AR: variants seen among roughly 807,000 people sequenced by gnomAD.
The protein encoded by AR is dihydrotestosterone receptor.
Under a neutral mutation model 53.9 loss-of-function variants are expected in AR, and 8 were observed. The observed-to-expected ratio is 0.15, with a 90% CI of 0.09 to 0.27. The LOEUF (loss-of-function observed/expected upper bound fraction) is 0.27. AR is among the 10% of genes least tolerant of loss of function. The probability of loss-of-function intolerance (pLI) is 1.00; values close to 1 mark genes in which losing one functional copy is unlikely to be tolerated. For synonymous variants in AR, 359 were observed against 316.4 expected, an observed-to-expected ratio of 1.13 and a Z score of -1.43; for missense variants, 639 against 742.5, an observed-to-expected ratio of 0.86 and a Z score of 1.62.
chrX:67,567,068 C>T (rs1277631850), intron 1 of AR, among the ~76,000 whole-genome samples: 2 of 110,839 alleles, frequency 1.8e-5, no homozygotes, highest in African/African-American at 6.6e-5. Context: ...TTTCACTATT[C>T]CACACCACTT....
chrX:67,660,894 C>T (rs1046077298), intron 2 of AR, among the ~76,000 whole-genome samples: 1 of 111,231 alleles, frequency 9.0e-6, no homozygotes, highest in Non-Finnish European at 1.9e-5. Context: ...TTTCATTGAG[C>T]AGTGGTTTGT....
intron 1 of AR, among the ~76,000 whole-genome samples, chrX:67,599,217 A>G (rs1923229292): frequency 8.9e-6 from 1 of 111,919 alleles, no homozygotes; most frequent in Non-Finnish European, 1.9e-5. Context: ...TAATATTGTT[A>G]TGTATCATGT....
At chrX:67,638,153 C>G (rs1040349416) in intron 1 of AR, among the ~76,000 whole-genome samples, 6 of 111,502 alleles carry the variant, frequency 5.4e-5, no homozygotes, top group African/African-American at 2.0e-4. Context: ...AGGACATGAA[C>G]TCTTCCTTTT....
chrX:67,624,088 C>T (rs1361867976), intron 1 of AR, among the ~76,000 whole-genome samples: 1 of 110,950 alleles, frequency 9.0e-6, no homozygotes, highest in Non-Finnish European at 1.9e-5. Context: ...AAACCATCAG[C>T]TCTCATGACA....
chrX:67,648,674 C>T (rs1485026070), intron 2 of AR, among the ~76,000 whole-genome samples: 1 of 112,205 alleles, frequency 8.9e-6, no homozygotes, highest in Non-Finnish European at 1.9e-5. Context: ...AAGAATTTGC[C>T]ATTGCTGCTT....
intron 3 of AR, chrX:67,689,812 T>G: frequency 1.5e-6 from 1 of 666,545 alleles, no homozygotes; most frequent in Admixed American, 6.7e-5. Flanking sequence ...GTGAATTAGC[T>G]GTGGCTTTCT....
chrX:67,672,790 C>A (rs766547753), intron 2 of AR, among the ~76,000 whole-genome samples: 4 of 111,384 alleles, frequency 3.6e-5, no homozygotes, highest in African/African-American at 1.3e-4. Context: ...AGTTCACACA[C>A]CACAATTACA....
At chrX:67,689,663 C>T (rs1421349918) in intron 3 of AR, 32 of 894,842 alleles carry the variant, frequency 3.6e-5, no homozygotes, top group Non-Finnish European at 4.4e-5. Flanking sequence ...CAGAGATCAG[C>T]CTTTCTTTGT....
chrX:67,618,013 C>T (rs1019425237), intron 1 of AR, among the ~76,000 whole-genome samples: 1 of 112,175 alleles, frequency 8.9e-6, no homozygotes, highest in Non-Finnish European at 1.9e-5. Context: ...GTTTATCTAA[C>T]GACAGTTCCA....
chrX:67,608,998 A>G (rs1923757698), intron 1 of AR, among the ~76,000 whole-genome samples: 1 of 110,669 alleles, frequency 9.0e-6, no homozygotes, highest in South Asian at 3.8e-4. Context: ...CATTAGTCAC[A>G]AGTTAAATAC....
rs1363056803 is a variant in AR, at chrX:67,550,372, A to G, written c.1616+3610A>G. 1.8e-5 allele frequency among the ~76,000 whole-genome samples: 2 copies of G among 111,374 alleles called. 1 individual carries two copies. The highest frequency in any genetic ancestry group is 6.5e-5 in the African/African-American group (2 of 30,602). On this transcript the variant is annotated intron_variant, in intron 1 of 7. Transcript: ENST00000374690. ...TTCTTTGTTAAGTGTTTTCATTCCCATAGTAATTTTTCATCTAGTGTACAT... is the reference window on the plus strand; with the variant it reads ...TTCTTTGTTAAGTGTTTTCATTCCCGTAGTAATTTTTCATCTAGTGTACAT...
At chrX:67,569,743 C>T (rs1357270581) in intron 1 of AR, among the ~76,000 whole-genome samples, 1 of 111,019 alleles carries the variant, frequency 9.0e-6, no homozygotes, top group Non-Finnish European at 1.9e-5. Context: ...TTATTTCTGT[C>T]GGTGTGTGGA....
intron 1 of AR, among the ~76,000 whole-genome samples, chrX:67,607,429 G>T (rs1317911940): frequency 1.8e-5 from 2 of 112,052 alleles, no homozygotes; most frequent in African/African-American, 6.5e-5. Context: ...CCATCTTGTT[G>T]CTCTTCTTCT....
rs1052160361 is a variant in AR at position 67,725,888 on chromosome X, A to C, written c.*2047A>C. 3 of 173,607 alleles carry C rather than the reference A, an allele frequency of 1.7e-5. No homozygotes were observed. Among genetic ancestry groups the C allele is most frequent in the African/African-American group, 8.9e-5 (3 of 33,653 alleles). The allele number at this position is 173,607 out of a possible 1,213,427, so 14.3% of individuals were successfully genotyped here. On this transcript the variant is annotated 3_prime_UTR_variant, in exon 8 of 8. Coordinates refer to ENST00000374690, the MANE Select transcript of AR (RefSeq NM_000044.6). ...CTTTTGGCACACCTGTGTTCTGTTGACTTCGTTCTTCAAGCCCAAGTGCAA... is the reference window on the plus strand; with the variant it reads ...CTTTTGGCACACCTGTGTTCTGTTGCCTTCGTTCTTCAAGCCCAAGTGCAA...
intron 3 of AR, among the ~76,000 whole-genome samples, chrX:67,704,075 T>C (rs2076054473): frequency 8.9e-6 from 1 of 112,177 alleles, no homozygotes; most frequent in South Asian, 3.7e-4. Flanking sequence ...TTCCAAGGCT[T>C]TGCTATTGTG....
In AR at chrX:67,545,597, G is replaced by A. The variant is rs1460789201; in HGVS notation, c.451G>A (p.Ala151Thr). Reference sequence around the variant, plus strand: ...CAAGGGGCTGCCGCAGCAGCTGCCAGCACCTCCGGACGAGGATGACTCAGC... The same window carrying A: ...CAAGGGGCTGCCGCAGCAGCTGCCAACACCTCCGGACGAGGATGACTCAGC... ...ASKGLPQQLP[A>T]PPDEDDSAAP... is the part of the protein sequence containing the mutation. The change falls in exon 1 of 8, where the codon GCA (alanine) becomes ACA (threonine). Residue 151 changes from alanine to threonine, a missense_variant. This residue lies in a region of AR where 423 missense variants were observed against 377.0 expected (regional missense o/e 1.12). Transcript: ENST00000374690. 8.4e-7 allele frequency: 1 copy of A among 1,187,185 alleles called. No individual in the cohort carries two copies. The highest frequency in any genetic ancestry group is 1.1e-6 in the Non-Finnish European group (1 of 883,027).
chrX:67,557,928 G>A (rs1476876263), intron 1 of AR, among the ~76,000 whole-genome samples: 1 of 112,263 alleles, frequency 8.9e-6, no homozygotes, highest in Admixed American at 9.4e-5. Context: ...TAAAAACACA[G>A]TAAGTGAACT....
intron 1 of AR, among the ~76,000 whole-genome samples, chrX:67,605,351 A>T (rs1015487990): frequency 8.9e-6 from 1 of 112,465 alleles, no homozygotes; most frequent in Non-Finnish European, 1.9e-5. Context: ...GTTCAGTAGG[A>T]ATCTCAATGT....
At position 67,721,851 on chromosome X, in the gene AR, C is replaced by G. The variant is rs2076137271; in HGVS notation, c.2337C>G (p.Ser779=). ...TTCCCAGGTACCGCATGCACAAGTC[C>G]CGGATGTACAGCCAGTGTGTCCGAA... ...LVFNEYRMHK[S]RMYSQCVRMR... Residue 779 remains serine (S), a synonymous_variant, in exon 6 of 8, where the codon TCC becomes TCG. Transcript: ENST00000374690. The G allele has an allele frequency of 2.1e-5, 25 of 1,208,371 alleles. No homozygotes were observed. The highest frequency in any genetic ancestry group is 2.7e-5 in the Non-Finnish European group (24 of 894,794).
Sources: gnomAD v4.1 joint callset for allele counts (sites outside exome capture counted in the v4.1 genomes callset) on GRCh38, gnomAD v4.1.1 for gene constraint, gnomAD v4.1.1 regional missense constraint, MANE v1.5 for transcripts, NCBI Gene and HGNC (gene_info 2026-07-23, HGNC 2026-07-21) for gene names.